NLGN1: variants seen among roughly 807,000 people sequenced by gnomAD.
NLGN1 encodes neuroligin-1.
NLGN1 carries 12 observed loss-of-function variants against 65.5 expected under a neutral mutation model. The ratio of observed to expected loss-of-function variants is 0.18; its 90% confidence interval spans 0.12 to 0.30. The LOEUF (loss-of-function observed/expected upper bound fraction) is 0.30. NLGN1 is among the 10% of genes least tolerant of loss of function. The pLI is 1.00. For missense variants in NLGN1, 750 were observed against 1,007.1 expected (o/e 0.74, Z 3.46); for synonymous variants, 350 against 359.5 (o/e 0.97, Z 0.30).
intron 2 of NLGN1, among the ~76,000 whole-genome samples, chr3:173,592,298 C>CT (rs1269099793): frequency 6.6e-6 from 1 of 152,070 alleles, no homozygotes; most frequent in African/African-American, 2.4e-5. Context: ...AAAGAAGAAG[C>CT]TGTCTAATAT....
At chr3:173,455,013 G>A (rs1183848420) in intron 2 of NLGN1, among the ~76,000 whole-genome samples, 1 of 152,166 alleles carries the variant, frequency 6.6e-6, no homozygotes, top group Admixed American at 6.6e-5. Flanking sequence ...AGAATGGCCA[G>A]TTGGTGGAGC....
At chr3:173,730,687 CT>C (rs552784726) in intron 3 of NLGN1, among the ~76,000 whole-genome samples, 61 of 152,030 alleles carry the variant, frequency 4.0e-4, no homozygotes, top group South Asian at 3.9e-3. Flanking sequence ...TAATTCATAT[CT>C]TTTTTTCCTC....
At chr3:173,648,067 GA>G (rs1758558478) in intron 3 of NLGN1, among the ~76,000 whole-genome samples, 2 of 151,882 alleles carry the variant, frequency 1.3e-5, no homozygotes, top group Non-Finnish European at 2.9e-5. Context: ...AAGTCATATG[GA>G]AGTGCAAAGA....
chr3:174,260,684 TTTAA>T (rs980428606), intron 4 of NLGN1, among the ~76,000 whole-genome samples: 5 of 144,274 alleles, frequency 3.5e-5, no homozygotes, highest in African/African-American at 1.3e-4. Flanking sequence ...AGCTCTTTAG[TTTAA>T]TTAGATCCCA....
rs932096178 is a variant in NLGN1 at position 174,281,324 on chromosome 3, A to T, written c.*21A>T. The T allele has an allele frequency of 3.4e-6, 5 of 1,479,412 alleles. No individual in the cohort carries two copies. In the Admixed American group the frequency reaches 8.9e-5, roughly 26 times the overall value. The allele number at this position is 1,479,412 out of a possible 1,614,324, so 91.6% of individuals were successfully genotyped here. ...TATAGCCAGATAAGAGAAACAAACTATTTTTTTTGATGGATTGCAGTAAAC... is the reference window on the plus strand; with the variant it reads ...TATAGCCAGATAAGAGAAACAAACTTTTTTTTTTGATGGATTGCAGTAAAC... On this transcript the variant is annotated 3_prime_UTR_variant, in exon 7 of 7. Coordinates refer to ENST00000457714, the Ensembl canonical transcript of NLGN1.
At chr3:174,138,257 T>C (rs993258801) in intron 4 of NLGN1, among the ~76,000 whole-genome samples, 2 of 152,200 alleles carry the variant, frequency 1.3e-5, no homozygotes, top group African/African-American at 4.8e-5. Context: ...TTAAGGTCTC[T>C]TGGTAAGTCA....
At chr3:173,606,398 A>G (rs1317175470) in intron 3 of NLGN1, among the ~76,000 whole-genome samples, 2 of 152,040 alleles carry the variant, frequency 1.3e-5, no homozygotes, top group Non-Finnish European at 2.9e-5. Context: ...TAAATCACTC[A>G]TAGGAGAGTA....
chr3:174,266,131 G>A (rs1748179404), intron 4 of NLGN1, among the ~76,000 whole-genome samples: 1 of 151,480 alleles, frequency 6.6e-6, no homozygotes, highest in Non-Finnish European at 1.5e-5. Flanking sequence ...TGTCAAGGGG[G>A]TTTAATGTAC....
At chr3:174,009,830 G>A (rs151182143) in intron 4 of NLGN1, among the ~76,000 whole-genome samples, 1 of 152,200 alleles carries the variant, frequency 6.6e-6, no homozygotes, top group African/African-American at 2.4e-5. Flanking sequence ...GAGGACAATG[G>A]CTCAGCTGGG....
intron 2 of NLGN1, among the ~76,000 whole-genome samples, chr3:173,588,409 C>A: frequency 6.6e-6 from 1 of 152,214 alleles, no homozygotes; most frequent in South Asian, 2.1e-4. Flanking sequence ...TCTGAATAAT[C>A]TCTGCCTTCA....
At chr3:173,861,246 AT>A (rs756493826) in intron 4 of NLGN1, among the ~76,000 whole-genome samples, 111 of 152,218 alleles carry the variant, frequency 7.3e-4, no homozygotes, top group Non-Finnish European at 1.2e-3. Context: ...TTTGAAAAAA[AT>A]ATTTAGTTTT....
chr3:173,778,656 G>A (rs1780680012), intron 3 of NLGN1, among the ~76,000 whole-genome samples: 1 of 151,982 alleles, frequency 6.6e-6, no homozygotes, highest in East Asian at 1.9e-4. Context: ...AAAGCAAAAT[G>A]TAGCTATTGA....
In NLGN1 at chr3:173,543,141, A is replaced by T. The variant is rs548981363; in HGVS notation, c.-320-61138A>T. On this transcript the variant is annotated intron_variant, in intron 2 of 6. Coordinates refer to ENST00000457714, the Ensembl canonical transcript of NLGN1. ...TTTGATTTCAGGACCATATTATTGA[A>T]TTTTTTCTTGTATGCTATAATGTAA... is the stretch of plus-strand genomic sequence containing the variant. Among the ~76,000 whole-genome samples the T allele has an allele frequency of 2.6e-5, 4 of 152,172 alleles. No homozygotes were observed. In the South Asian group the frequency reaches 6.2e-4, roughly 24 times the overall value.
chr3:173,533,539 T>G (rs1369594129), intron 2 of NLGN1, among the ~76,000 whole-genome samples: 4 of 152,172 alleles, frequency 2.6e-5, no homozygotes, highest in Non-Finnish European at 5.9e-5. Context: ...TTTATGGAAG[T>G]TCTCCCATGG....
At chr3:173,830,531 G>C (rs1303417886) in intron 4 of NLGN1, among the ~76,000 whole-genome samples, 1 of 151,984 alleles carries the variant, frequency 6.6e-6, no homozygotes, top group African/African-American at 2.4e-5. Flanking sequence ...CCATCTATTT[G>C]GGACACATGG....
At chr3:173,852,355 C>CAAAAAAAAAAAAAA (rs71162367) in intron 4 of NLGN1, among the ~76,000 whole-genome samples, 1 of 46,650 alleles carries the variant, frequency 2.1e-5, no homozygotes, top group African/African-American at 8.3e-5. Context: ...GACTCCGTCT[C>CAAAAAAAAAAAAAA]AAAAAAAAAA....
intron 4 of NLGN1, among the ~76,000 whole-genome samples, chr3:174,192,661 T>C (rs979025987): frequency 6.6e-6 from 1 of 152,222 alleles, no homozygotes; most frequent in Non-Finnish European, 1.5e-5. Flanking sequence ...TGTCTTGTCT[T>C]TTCTATTGGC....
intron 4 of NLGN1, among the ~76,000 whole-genome samples, chr3:173,896,139 G>C (rs1300070743): frequency 6.6e-6 from 1 of 152,192 alleles, no homozygotes. Flanking sequence ...CTGCTAGGTA[G>C]TGTGCTTGAT....
intron 4 of NLGN1, among the ~76,000 whole-genome samples, chr3:174,252,727 T>C (rs2152844552): frequency 6.6e-6 from 1 of 152,314 alleles, no homozygotes; most frequent in South Asian, 2.1e-4. Flanking sequence ...TTAGGATACA[T>C]CAAAATCACC....
Sources: allele counts gnomAD v4.1 joint callset (sites outside exome capture counted in the v4.1 genomes callset), GRCh38; gene constraint gnomAD v4.1.1; transcripts MANE v1.5; gene names NCBI Gene and HGNC (gene_info 2026-07-23, HGNC 2026-07-21).